Variants in SEC16B observed in about 807,000 individuals in gnomAD.
SEC16B encodes the protein protein transport protein Sec16B.
Under a neutral mutation model 141.8 loss-of-function variants are expected in SEC16B, and 115 were observed. That is an observed-to-expected ratio of 0.81 (90% CI 0.70 to 0.95). The LOEUF (loss-of-function observed/expected upper bound fraction) is 0.95. Ranked by LOEUF, SEC16B falls within the 40% of genes least tolerant of loss-of-function variation. The pLI, the probability that SEC16B is intolerant of heterozygous loss-of-function variation, is 0.00. For synonymous variants in SEC16B, 493 were observed against 492.5 expected (o/e 1.00, Z -0.01); for missense variants, 1,291 against 1,312.3 (o/e 0.98, Z 0.25).
intron 15 of SEC16B, among the ~76,000 whole-genome samples, chr1:177,943,040 AG>A (rs1240415544): frequency 6.6e-6 from 1 of 152,214 alleles, no homozygotes; most frequent in East Asian, 1.9e-4. Flanking sequence ...CTTTCGTAAA[AG>A]GAAGTTAATC....
rs1650536321 is a variant in SEC16B, at chr1:177,932,757, A to G, written c.2873T>C (p.Leu958Pro). Reference protein sequence around the residue: ...SPHQAGLGLSLTPSPESPPLP... With the variant: ...SPHQAGLGLSPTPSPESPPLP... ...AGGTGGGGACTCAGGGGAAGGTGTC[A>G]GTGAGAGGCCCAGGCCAGCCTGGTG... The change falls in exon 23 of 26, where the codon CTG becomes CCG. Residue 958 changes from leucine to proline, a missense_variant. Coordinates refer to ENST00000308284, the MANE Select transcript of SEC16B (RefSeq NM_033127.4). 9.9e-6 allele frequency: 16 copies of G among 1,612,260 alleles called. No individual in the cohort carries two copies. Among genetic ancestry groups the G allele is most frequent in the Non-Finnish European group, 1.2e-5 (14 of 1,179,282 alleles).
chr1:177,965,800 G>A, intron 3 of SEC16B, 93 bp downstream of exon 3: 1 of 698,334 alleles, frequency 1.4e-6, no homozygotes, highest in Non-Finnish European at 2.4e-6. Context: ...CCAAGGTGAG[G>A]GTCTGAACAT....
At chr1:177,965,696 A>G (rs547252852) in intron 3 of SEC16B, among the ~76,000 whole-genome samples, 197 bp downstream of exon 3, 1 of 152,336 alleles carries the variant, frequency 6.6e-6, no homozygotes, top group Admixed American at 6.5e-5. Context: ...ACCATCATCT[A>G]TGCATACAAA....
At chr1:177,939,598 C>A in intron 18 of SEC16B, 104 bp downstream of exon 18, 2 of 983,646 alleles carry the variant, frequency 2.0e-6, no homozygotes, top group Admixed American at 2.2e-5. Flanking sequence ...GCAAGGCAGG[C>A]ACCCTGGGAA....
intron 2 of SEC16B, among the ~76,000 whole-genome samples, chr1:177,966,334 C>T (rs893663884): frequency 6.6e-6 from 1 of 152,102 alleles, no homozygotes; most frequent in African/African-American, 2.4e-5. Context: ...TAGAAAACTC[C>T]ATCCTGATAT....
At chr1:177,975,524 C>T (rs888194258) in intron 1 of SEC16B, among the ~76,000 whole-genome samples, 25 of 152,086 alleles carry the variant, frequency 1.6e-4, no homozygotes, top group African/African-American at 5.3e-4. Flanking sequence ...CACAAACAGA[C>T]ACAAATTATC....
At chr1:177,980,389 A>G (rs375729574) in intron 1 of SEC16B, among the ~76,000 whole-genome samples, 11 of 152,252 alleles carry the variant, frequency 7.2e-5, no homozygotes, top group African/African-American at 2.4e-4. Context: ...TTCAGTTCCT[A>G]TGGGAGAAAA....
At chr1:177,974,518 C>T (rs1654090866), upstream of SEC16B, among the ~76,000 whole-genome samples, 1 of 152,174 alleles carries the variant, frequency 6.6e-6, no homozygotes, top group South Asian at 2.1e-4. Context: ...TCAACAATGC[C>T]AAACCTAGGA....
Position 177,929,947 on chromosome 1 carries a change from A to T in SEC16B, c.3112-18T>A. 6.2e-7 allele frequency: 1 copy of T among 1,612,780 alleles called. No individual in the cohort carries two copies. Among genetic ancestry groups the T allele is most frequent in the Non-Finnish European group, 8.5e-7 (1 of 1,179,370 alleles). ...GTGGGCAGCTGGAAAAGAAGAACAA[A>T]TATTACACTGAGTACAGCCCCAAAC... is the stretch of plus-strand genomic sequence containing the variant. On this transcript the variant is annotated intron_variant, in intron 25 of 25. Coordinates refer to ENST00000308284, the MANE Select transcript of SEC16B (RefSeq NM_033127.4).
chr1:177,949,136 A>G (rs1301645277), intron 12 of SEC16B, among the ~76,000 whole-genome samples: 4 of 152,166 alleles, frequency 2.6e-5, no homozygotes, highest in Admixed American at 6.5e-5. Flanking sequence ...TCCATTTTAT[A>G]CCCAGTCCTT....
At chr1:177,931,319 G>C (rs967274236) in intron 24 of SEC16B, among the ~76,000 whole-genome samples, 5 of 152,184 alleles carry the variant, frequency 3.3e-5, no homozygotes, top group African/African-American at 1.2e-4. Flanking sequence ...AAGTACACAG[G>C]AGTGGAAAAC....
intron 12 of SEC16B, among the ~76,000 whole-genome samples, chr1:177,950,376 T>C (rs1466151464): frequency 2.0e-5 from 3 of 152,132 alleles, no homozygotes; most frequent in Non-Finnish European, 4.4e-5. Flanking sequence ...CATGGAAAAC[T>C]GGGTCCTGCA....
chr1:177,964,380 TAC>T (rs1557989525), intron 4 of SEC16B, 101 bp from the exon 5 acceptor site: 1 of 706,738 alleles, frequency 1.4e-6, no homozygotes, highest in Non-Finnish European at 2.3e-6. Flanking sequence ...CGTGGGCAGG[TAC>T]CATGTCAGCC....
rs768801528 is a variant in SEC16B at position 177,933,277 on chromosome 1, C to T, written c.2760G>A (p.Ser920=). The change falls in exon 22 of 26, where the codon TCG becomes TCA. Residue 920 remains serine, a synonymous_variant. Transcript: ENST00000308284. The part of the protein sequence containing the change: ...SGFGWFSWFR[S]KPTKNASPAG... ...CGGGGGATGCGTTCTTGGTGGGCTT[C>T]GATCGAAACCAGCTGAACCAGCCAA... 2.5e-5 allele frequency: 40 copies of T among 1,600,542 alleles called. No individual in the cohort carries two copies. Among genetic ancestry groups the T allele is most frequent in the African/African-American group, 1.1e-4 (8 of 74,712 alleles).
chr1:177,944,261 A>G (rs1651500294), intron 15 of SEC16B, among the ~76,000 whole-genome samples: 1 of 152,120 alleles, frequency 6.6e-6, no homozygotes, highest in Non-Finnish European at 1.5e-5. Context: ...AGATGGGGAG[A>G]AGGAGCTGAC....
upstream of SEC16B, among the ~76,000 whole-genome samples, chr1:177,974,974 G>A (rs1244235306): frequency 6.6e-6 from 1 of 152,216 alleles, no homozygotes; most frequent in Non-Finnish European, 1.5e-5. Flanking sequence ...GTGAAGATGG[G>A]CACAGGTGGA....
intron 12 of SEC16B, among the ~76,000 whole-genome samples, chr1:177,951,307 G>A (rs531486564): frequency 6.6e-6 from 1 of 152,240 alleles, no homozygotes; most frequent in Admixed American, 6.5e-5. Flanking sequence ...CAACACCAGA[G>A]CATAATCTAG....
intron 7 of SEC16B, 83 bp from the exon 8 acceptor site, chr1:177,960,486 G>A: frequency 1.0e-6 from 1 of 969,332 alleles, no homozygotes; most frequent in Non-Finnish European, 1.6e-6. Flanking sequence ...CAGACCCCAA[G>A]GCCGTGGGGC....
Position 177,930,532 on chromosome 1 carries a change from A to T in SEC16B, c.3111+13T>A. The T allele has an allele frequency of 6.2e-7, 1 of 1,602,222 alleles. No homozygotes were observed. On this transcript the variant is annotated intron_variant, in intron 25 of 25. Transcript: ENST00000308284. ...TACTCCTGGCCAGCCCCTCCCCCTG[A>T]GGGCTTCCTTACCTGAGGCACCTGA...
Sources: allele counts gnomAD v4.1 joint callset (sites outside exome capture counted in the v4.1 genomes callset), GRCh38; gene constraint gnomAD v4.1.1; transcripts MANE v1.5; gene names NCBI Gene and HGNC (gene_info 2026-07-23, HGNC 2026-07-21).